MYO5A: variants seen among roughly 807,000 people sequenced by gnomAD.
MYO5A encodes unconventional myosin-Va.
Under a neutral mutation model 249.7 loss-of-function variants are expected in MYO5A, and 98 were observed. The observed-to-expected ratio is 0.39, with a 90% CI of 0.33 to 0.46. The LOEUF (loss-of-function observed/expected upper bound fraction) is 0.46, where lower values mean the gene tolerates loss of function less well. MYO5A is among the 20% of genes least tolerant of loss of function. The pLI, the probability that MYO5A is intolerant of heterozygous loss-of-function variation, is 0.98. For missense variants in MYO5A, 1,696 were observed against 2,308.8 expected (o/e 0.73, Z 5.44); for synonymous variants, 778 against 810.6 (o/e 0.96, Z 0.68).
intron 1 of MYO5A, among the ~76,000 whole-genome samples, chr15:52,520,704 A>C (rs2077600055): frequency 1.3e-5 from 2 of 152,244 alleles, no homozygotes; most frequent in Non-Finnish European, 2.9e-5. Context: ...AGGTTTGGTA[A>C]GTCAATGTGC....
At chr15:52,500,976 CT>C (rs939978585) in intron 1 of MYO5A, among the ~76,000 whole-genome samples, 27 of 146,510 alleles carry the variant, frequency 1.8e-4, no homozygotes, top group South Asian at 2.2e-4. Flanking sequence ...AATCAGAAAA[CT>C]TTTTTTTTTT....
intron 11 of MYO5A, among the ~76,000 whole-genome samples, chr15:52,393,916 T>A (rs554243620): frequency 6.6e-6 from 1 of 152,224 alleles, no homozygotes; most frequent in African/African-American, 2.4e-5. Flanking sequence ...TTAATTTATA[T>A]GTAGTCTCAA....
At chr15:52,414,400 A>G (rs1162935032) in intron 5 of MYO5A, among the ~76,000 whole-genome samples, 1 of 152,180 alleles carries the variant, frequency 6.6e-6, no homozygotes, top group Non-Finnish European at 1.5e-5. Flanking sequence ...CTAAGACAGT[A>G]GCTATTCCAA....
At chr15:52,441,399 A>G (rs932882493) in intron 1 of MYO5A, among the ~76,000 whole-genome samples, 9 of 152,120 alleles carry the variant, frequency 5.9e-5, no homozygotes, top group African/African-American at 2.2e-4. Context: ...TATGCCCACC[A>G]CTTAGGTTCA....
chr15:52,314,436 G>A (rs1338506627), intron 40 of MYO5A, among the ~76,000 whole-genome samples: 3 of 152,142 alleles, frequency 2.0e-5, no homozygotes, highest in Admixed American at 6.5e-5. Context: ...TGTAAATTTC[G>A]AAGATATTCA....
intron 5 of MYO5A, among the ~76,000 whole-genome samples, chr15:52,411,925 A>C (rs997929454): frequency 6.6e-6 from 1 of 152,238 alleles, no homozygotes; most frequent in African/African-American, 2.4e-5. Context: ...TGGCAAAATT[A>C]CAGAAGGATC....
chr15:52,528,942 C>T (rs944977819), upstream of MYO5A: 3 of 666,002 alleles, frequency 4.5e-6, no homozygotes, highest in African/African-American at 2.0e-5. Flanking sequence ...GGGAGGGCCG[C>T]GCGGGGCGGG....
intron 1 of MYO5A, among the ~76,000 whole-genome samples, chr15:52,507,690 C>T (rs925004810): frequency 6.6e-6 from 1 of 151,638 alleles, no homozygotes; most frequent in Non-Finnish European, 1.5e-5. Context: ...GTGGCATGCA[C>T]CTGTAGTCCC....
chr15:52,480,098 A>G (rs2076684999), intron 1 of MYO5A, among the ~76,000 whole-genome samples: 1 of 152,210 alleles, frequency 6.6e-6, no homozygotes, highest in Non-Finnish European at 1.5e-5. Flanking sequence ...TACCTTGAAT[A>G]TATACAATTT....
intron 3 of MYO5A, 42 bp downstream of exon 3, chr15:52,428,356 G>C (rs1370532182): frequency 6.3e-7 from 1 of 1,576,978 alleles, no homozygotes; most frequent in Non-Finnish European, 8.7e-7. Flanking sequence ...GTCCATTAGA[G>C]GAAAGAGTCC....
At chr15:52,407,006 C>T (rs944072582) in intron 8 of MYO5A, among the ~76,000 whole-genome samples, 1 of 152,116 alleles carries the variant, frequency 6.6e-6, no homozygotes. Context: ...ATATTTTGAA[C>T]AGTTTTATTG....
chr15:52,492,338 G>C (rs568307881), intron 1 of MYO5A, among the ~76,000 whole-genome samples: 3 of 152,290 alleles, frequency 2.0e-5, no homozygotes, highest in Admixed American at 2.0e-4. Flanking sequence ...ACCAAATACA[G>C]GTTTCGAAGA....
At chr15:52,457,889 G>A (rs905981732) in intron 1 of MYO5A, among the ~76,000 whole-genome samples, 1 of 152,152 alleles carries the variant, frequency 6.6e-6, no homozygotes, top group African/African-American at 2.4e-5. Context: ...AACTGATAAA[G>A]TGTTATGTAT....
intron 40 of MYO5A, 48 bp downstream of exon 40, chr15:52,317,000 A>T (rs763765874): frequency 6.3e-7 from 1 of 1,578,690 alleles, no homozygotes; most frequent in East Asian, 2.2e-5. Context: ...CCTAAAGATC[A>T]TCTTTGATGA....
chr15:52,375,550 A>G, intron 19 of MYO5A, 90 bp from the exon 20 acceptor site: 1 of 1,300,144 alleles, frequency 7.7e-7, no homozygotes, highest in Non-Finnish European at 1.1e-6. Context: ...TCACTGTTTT[A>G]GGCATAAATA....
chr15:52,321,413 G>C lies in MYO5A; in HGVS notation c.4897C>G (p.Gln1633Glu), dbSNP rs1336431141. The C allele has an allele frequency of 1.2e-6, 2 of 1,614,068 alleles. No individual in the cohort carries two copies. The highest frequency in any genetic ancestry group is 1.7e-5 in the Admixed American group (1 of 60,012). ...ACCCGCACGAGCTGCTGGTAGATCT[G>C]AATGGCCAAGTCACTCAGCACCTGC... is the stretch of plus-strand genomic sequence containing the variant. ...YRQVLSDLAI[Q>E]IYQQLVRVLE... The change falls in exon 38 of 42, where the codon CAG becomes GAG. Residue 1633 changes from glutamine to glutamate, a missense_variant. Gln to Glu is a conservative substitution (Grantham distance 29). Coordinates refer to ENST00000399233, the MANE Select transcript of MYO5A (RefSeq NM_001382347.1).
At chr15:52,528,738 C>G (rs2077770871) in intron 1 of MYO5A, 42 bp downstream of exon 1, 3 of 1,492,724 alleles carry the variant, frequency 2.0e-6, no homozygotes, top group South Asian at 1.3e-5. Context: ...CGGCGAGGGC[C>G]GCACAGCCCC....
At chr15:52,465,736 AT>A (rs1274645884) in intron 1 of MYO5A, among the ~76,000 whole-genome samples, 1 of 152,144 alleles carries the variant, frequency 6.6e-6, no homozygotes, top group Non-Finnish European at 1.5e-5. Context: ...ACATCTTGAG[AT>A]TTTTTTCGCC....
chr15:52,517,814 T>C (rs530641384), intron 1 of MYO5A, among the ~76,000 whole-genome samples: 2 of 135,974 alleles, frequency 1.5e-5, no homozygotes, highest in South Asian at 5.4e-4. Context: ...CATTACCATT[T>C]GTGAATATAG....
Sources: gnomAD v4.1 joint callset for allele counts (sites outside exome capture counted in the v4.1 genomes callset) on GRCh38, gnomAD v4.1.1 for gene constraint, MANE v1.5 for transcripts, NCBI Gene and HGNC (gene_info 2026-07-23, HGNC 2026-07-21) for gene names.